The following LMBRD1 variants were observed in gnomAD, a reference collection of about 807,000 sequenced individuals.
The protein encoded by LMBRD1 is LMBR1 domain containing 1.
LMBRD1 carries 64 observed loss-of-function variants against 74.8 expected under a neutral mutation model. That is an observed-to-expected ratio of 0.86 (90% confidence interval 0.70 to 1.05). The LOEUF is 1.05. LMBRD1 is among the 50% of genes least tolerant of loss of function. The pLI is 0.00. For synonymous variants in LMBRD1, 204 were observed against 216.3 expected (o/e 0.94, Z 0.50); for missense variants, 652 against 645.9 (o/e 1.01, Z -0.10).
At chr6:69,761,837 T>G (rs972139589) in intron 3 of LMBRD1, among the ~76,000 whole-genome samples, 10 of 152,220 alleles carry the variant, frequency 6.6e-5, no homozygotes, top group Non-Finnish European at 1.3e-4. Flanking sequence ...ATCTGCTGTC[T>G]TTAGAGATTT....
At chr6:69,722,223 T>C (rs918488913) in intron 7 of LMBRD1, among the ~76,000 whole-genome samples, 8 of 152,058 alleles carry the variant, frequency 5.3e-5, no homozygotes, top group African/African-American at 1.9e-4. Context: ...AAGATAAAGA[T>C]CTTCCCAGAG....
At position 69,737,861 on chromosome 6, in the gene LMBRD1, A is replaced by G. The variant is rs1767008495; in HGVS notation, c.636+81T>C. 1.5e-5 allele frequency: 14 copies of G among 921,258 alleles called. No individual in the cohort carries two copies. In the South Asian group the frequency reaches 2.1e-4, roughly 14 times the overall value. 57.1% of individuals were successfully genotyped at this position (921,258 alleles called of 1,614,324 possible). Reference sequence around the variant, plus strand: ...GAATCAAAATATTATAAAGGAAAACAGAATAAAGTTTAATAAATTACTAAG... The same window carrying G: ...GAATCAAAATATTATAAAGGAAAACGGAATAAAGTTTAATAAATTACTAAG... On this transcript the variant is annotated intron_variant, in intron 7 of 15. Transcript: ENST00000649934.
chr6:69,717,023 T>A (rs1766506591), intron 8 of LMBRD1, among the ~76,000 whole-genome samples: 1 of 151,906 alleles, frequency 6.6e-6, no homozygotes, highest in Non-Finnish European at 1.5e-5. Flanking sequence ...CTGATAAAAA[T>A]TTGACACAGA....
chr6:69,717,445 T>A (rs1437729820), intron 8 of LMBRD1, among the ~76,000 whole-genome samples: 2 of 152,186 alleles, frequency 1.3e-5, no homozygotes, highest in Non-Finnish European at 2.9e-5. Flanking sequence ...TTATGCTCAT[T>A]AGAGGCTTCC....
chr6:69,796,927 G>A lies in LMBRD1; in HGVS notation c.-46C>T, dbSNP rs1205639867. On this transcript the variant is annotated 5_prime_UTR_variant, in exon 1 of 16. Coordinates refer to ENST00000649934, the MANE Select transcript of LMBRD1 (RefSeq NM_018368.4). ...AACCTGAGCGCCCGGGGTGGGGAAAGGGGAGGGGGAAAGGGGAGAGAGCGC... is the reference window on the plus strand; with the variant it reads ...AACCTGAGCGCCCGGGGTGGGGAAAAGGGAGGGGGAAAGGGGAGAGAGCGC... 12 of 1,561,158 alleles carry A rather than the reference G, an allele frequency of 7.7e-6. No individual in the cohort carries two copies. Among genetic ancestry groups the A allele is most frequent in the East Asian group, 2.3e-5 (1 of 44,280 alleles).
At chr6:69,757,735 A>T (rs961226317) in intron 3 of LMBRD1, among the ~76,000 whole-genome samples, 1 of 152,140 alleles carries the variant, frequency 6.6e-6, no homozygotes, top group African/African-American at 2.4e-5. Flanking sequence ...ACTCACAGCC[A>T]TTTTCAAAGG....
intron 9 of LMBRD1, among the ~76,000 whole-genome samples, chr6:69,702,406 T>C (rs926763777): frequency 2.0e-5 from 3 of 151,830 alleles, no homozygotes; most frequent in African/African-American, 7.2e-5. Flanking sequence ...ATGATATATA[T>C]AGTGGTTAAA....
At chr6:69,742,297 A>G (rs2149871731) in intron 5 of LMBRD1, among the ~76,000 whole-genome samples, 1 of 152,316 alleles carries the variant, frequency 6.6e-6, no homozygotes, top group South Asian at 2.1e-4. Context: ...GAAATACATT[A>G]GAATAAACAG....
chr6:69,692,781 C>T (rs1304298101), intron 14 of LMBRD1, among the ~76,000 whole-genome samples: 1 of 152,084 alleles, frequency 6.6e-6, no homozygotes, highest in Non-Finnish European at 1.5e-5. Flanking sequence ...AATTTCATTA[C>T]AGCTTGCCAT....
intron 2 of LMBRD1, among the ~76,000 whole-genome samples, chr6:69,782,597 C>T (rs559970776): frequency 1.3e-5 from 2 of 152,040 alleles, no homozygotes; most frequent in Admixed American, 1.3e-4. Flanking sequence ...ATGAGAATTG[C>T]TTTAACTTGG....
intron 3 of LMBRD1, among the ~76,000 whole-genome samples, chr6:69,760,986 A>G (rs971342211): frequency 6.6e-6 from 1 of 152,172 alleles, no homozygotes; most frequent in Non-Finnish European, 1.5e-5. Flanking sequence ...TAGCCCAACA[A>G]GAGAACCTGA....
intron 2 of LMBRD1, among the ~76,000 whole-genome samples, chr6:69,787,181 A>T (rs1035087564): frequency 3.3e-5 from 5 of 152,202 alleles, no homozygotes; most frequent in Admixed American, 2.6e-4. Flanking sequence ...TAGGCACCTG[A>T]ATTCAGTAAT....
intron 1 of LMBRD1, among the ~76,000 whole-genome samples, chr6:69,792,693 C>T (rs1435995339): frequency 6.6e-6 from 1 of 152,150 alleles, no homozygotes; most frequent in East Asian, 1.9e-4. Context: ...TTTTAACATT[C>T]CCCAAATTCA....
intron 3 of LMBRD1, among the ~76,000 whole-genome samples, chr6:69,756,437 G>A (rs943053370): frequency 2.6e-5 from 4 of 150,998 alleles, no homozygotes; most frequent in African/African-American, 9.7e-5. Flanking sequence ...AACACCATAA[G>A]TCATCAGGAA....
chr6:69,784,642 T>G (rs1239431141), intron 2 of LMBRD1, among the ~76,000 whole-genome samples: 1 of 152,134 alleles, frequency 6.6e-6, no homozygotes. Flanking sequence ...GACTTAGAGG[T>G]CTCTAAAATA....
At chr6:69,756,820 C>G (rs987948271) in intron 3 of LMBRD1, among the ~76,000 whole-genome samples, 2 of 152,144 alleles carry the variant, frequency 1.3e-5, no homozygotes, top group Admixed American at 1.3e-4. Flanking sequence ...CATGTTTTTG[C>G]ACAATCTAAA....
At chr6:69,756,294 C>T (rs1313980971) in intron 3 of LMBRD1, among the ~76,000 whole-genome samples, 7 of 148,888 alleles carry the variant, frequency 4.7e-5, no homozygotes, top group Non-Finnish European at 7.4e-5. Flanking sequence ...ACCCAGGAGG[C>T]GGAGGTTGCA....
At chr6:69,730,261 C>G (rs982337092) in intron 7 of LMBRD1, among the ~76,000 whole-genome samples, 1 of 152,042 alleles carries the variant, frequency 6.6e-6, no homozygotes, top group Non-Finnish European at 1.5e-5. Flanking sequence ...ATATCTCTCT[C>G]CTTTATCTGG....
At chr6:69,795,935 A>G (rs1245325298) in intron 1 of LMBRD1, among the ~76,000 whole-genome samples, 1 of 152,262 alleles carries the variant, frequency 6.6e-6, no homozygotes, top group African/African-American at 2.4e-5. Flanking sequence ...CAAAAAGGTC[A>G]AAATACGTGA....
Sources: allele counts gnomAD v4.1 joint callset (sites outside exome capture counted in the v4.1 genomes callset), GRCh38; gene constraint gnomAD v4.1.1; transcripts MANE v1.5; gene names NCBI Gene and HGNC (gene_info 2026-07-23, HGNC 2026-07-21).